Variants in MCF2L2 observed in about 807,000 individuals in gnomAD.
The protein encoded by MCF2L2 is MCF.2 cell line derived transforming sequence-like 2, also known as probable guanine nucleotide exchange factor MCF2L2.
A neutral mutation model predicts 150.2 loss-of-function variants in MCF2L2; 102 were observed. The observed-to-expected ratio is 0.68, with a 90% CI of 0.58 to 0.80. The LOEUF is 0.80. Ranked by LOEUF, MCF2L2 falls within the 30% of genes least tolerant of loss-of-function variation. MCF2L2 has a pLI of 0.00. For synonymous variants in MCF2L2, 465 were observed against 491.3 expected, an observed-to-expected ratio of 0.95 and a Z score of 0.71; for missense variants, 1,256 against 1,372.8, an observed-to-expected ratio of 0.91 and a Z score of 1.34.
At chr3:183,204,775 G>A (rs931084820) in intron 25 of MCF2L2, among the ~76,000 whole-genome samples, 1 of 152,088 alleles carries the variant, frequency 6.6e-6, no homozygotes, top group African/African-American at 2.4e-5. Flanking sequence ...ACTAATGAAT[G>A]GATAAACAAA....
chr3:183,207,665 T>A lies in MCF2L2; in HGVS notation c.2655A>T (p.Arg885=), dbSNP rs758598110. ...ATAATCCCTGGTCCCCAGGCTCCAT[T>A]CGTATCTTACAGAACACTATTCCCC... ...FERGIVFCKI[R]MEPGDQGLSP... is the part of the protein sequence containing the mutation. Residue 885 remains arginine (R), a synonymous_variant, in exon 23 of 30, where the codon CGA becomes CGT. Coordinates refer to ENST00000328913, the MANE Select transcript of MCF2L2 (RefSeq NM_015078.4). The A allele has an allele frequency of 1.2e-6, 2 of 1,614,252 alleles. No individual in the cohort carries two copies. Among genetic ancestry groups the A allele is most frequent in the South Asian group, 2.2e-5 (2 of 91,084 alleles).
At chr3:183,307,558 G>A (rs559968508) in intron 10 of MCF2L2, among the ~76,000 whole-genome samples, 14 of 152,314 alleles carry the variant, frequency 9.2e-5, no homozygotes, top group Admixed American at 3.9e-4. Flanking sequence ...TGTTGCCCAC[G>A]AAAGGTGGGT....
rs769015913 is a variant in MCF2L2 at position 183,309,667 on chromosome 3, T to C, written c.1113+49A>G. On this transcript the variant is annotated intron_variant, in intron 10 of 29. Coordinates refer to ENST00000328913, the MANE Select transcript of MCF2L2 (RefSeq NM_015078.4). ...GCAATGACTGGACATGATCCATCAT[T>C]GTCCACAGCAACCTCCCTCCCAGTA... 15 of 1,613,216 alleles carry C rather than the reference T, an allele frequency of 9.3e-6. No homozygotes were observed. In the Middle Eastern group the frequency reaches 4.9e-4, roughly 53 times the overall value.
chr3:183,309,849 T>C lies in MCF2L2; in HGVS notation c.994-14A>G, dbSNP rs1409389931. 6.2e-6 allele frequency: 10 copies of C among 1,613,036 alleles called. No homozygotes were observed. The highest frequency in any genetic ancestry group is 1.1e-5 in the South Asian group (1 of 91,082). On this transcript the variant is annotated splice_polypyrimidine_tract_variant and intron_variant, in intron 9 of 29. Transcript: ENST00000328913. ...GGCAAGCTTAGCCTACAAGAAACATTAGAACAGTCCAGAAGTAAACCAACA... is the reference window on the plus strand; with the variant it reads ...GGCAAGCTTAGCCTACAAGAAACATCAGAACAGTCCAGAAGTAAACCAACA...
intron 15 of MCF2L2, among the ~76,000 whole-genome samples, chr3:183,242,879 A>G (rs1240495553): frequency 6.6e-6 from 1 of 152,254 alleles, no homozygotes; most frequent in African/African-American, 2.4e-5. Flanking sequence ...CTGCAAAGCC[A>G]CAGGGGCAGA....
chr3:183,330,674 G>A (rs1730236386), intron 5 of MCF2L2, among the ~76,000 whole-genome samples: 1 of 152,036 alleles, frequency 6.6e-6, no homozygotes, highest in Non-Finnish European at 1.5e-5. Context: ...ACAAATGAGA[G>A]GCAGTTTCCC....
intron 3 of MCF2L2, among the ~76,000 whole-genome samples, chr3:183,355,613 ATTTT>A (rs71185653): frequency 2.4e-5 from 2 of 84,436 alleles, no homozygotes; most frequent in South Asian, 3.5e-4. Flanking sequence ...CGCCCAGCTA[ATTTT>A]TTTTTTTTTT....
At chr3:183,409,551 C>CTTTTTTTT in intron 1 of MCF2L2, among the ~76,000 whole-genome samples, 1 of 121,754 alleles carries the variant, frequency 8.2e-6, no homozygotes, top group Non-Finnish European at 1.7e-5. Context: ...GCTAAAATTT[C>CTTTTTTTT]TTTTTTTTTT....
intron 1 of MCF2L2, among the ~76,000 whole-genome samples, chr3:183,392,507 T>C (rs1000932625): frequency 6.6e-6 from 1 of 152,290 alleles, no homozygotes; most frequent in East Asian, 1.9e-4. Context: ...CTAAAATTCA[T>C]AATTTGTTTT....
chr3:183,389,309 C>T (rs140739638), intron 2 of MCF2L2, among the ~76,000 whole-genome samples: 16 of 152,290 alleles, frequency 1.1e-4, no homozygotes, highest in Non-Finnish European at 1.9e-4. Context: ...ACCTCAGCAA[C>T]GCTCGGGAAC....
At chr3:183,376,983 G>C (rs1713223555) in intron 3 of MCF2L2, 2 of 152,152 alleles carry the variant, frequency 1.3e-5, no homozygotes, top group Non-Finnish European at 2.9e-5. Context: ...TGTACCTGCT[G>C]TTTTTCAAGT....
rs534463355 is a variant in MCF2L2, at chr3:183,181,408, C to T, written c.3017-1249G>A. On this transcript the variant is annotated intron_variant, in intron 27 of 29. Transcript: ENST00000328913. The surrounding 1 kb of genome is among the most constrained non-coding windows in gnomAD (Gnocchi z 4.3). ...AGGCTCCGAGGGGGCTGGACACCCT[C>T]CTCTCAGGTTGAAGCAAGTCCTGGT... Among the ~76,000 whole-genome samples the T allele has an allele frequency of 6.6e-6, 1 of 152,170 alleles. No homozygotes were observed. Among genetic ancestry groups the T allele is most frequent in the African/African-American group, 2.4e-5 (1 of 41,536 alleles).
At chr3:183,339,167 A>G (rs1483260790) in intron 4 of MCF2L2, among the ~76,000 whole-genome samples, 1 of 152,218 alleles carries the variant, frequency 6.6e-6, no homozygotes. Flanking sequence ...TATAAAAATA[A>G]TTCATATTAT....
chr3:183,361,755 G>T (rs1712222146), intron 3 of MCF2L2, among the ~76,000 whole-genome samples: 1 of 152,198 alleles, frequency 6.6e-6, no homozygotes, highest in African/African-American at 2.4e-5. Flanking sequence ...ATAATGGCAT[G>T]TCTTATTATT....
chr3:183,181,608 C>CA lies in MCF2L2; in HGVS notation c.3017-1450dup, dbSNP rs1721525178. On this transcript the variant is annotated intron_variant, in intron 27 of 29. Coordinates refer to ENST00000328913, the MANE Select transcript of MCF2L2 (RefSeq NM_015078.4). This position sits in a 1 kb window ranked among gnomAD's most constrained non-coding sequence, Gnocchi z 4.3. ...CCCTGGGGTCCCCTTATGCCAGGAG[C>CA]AAGCAGTGAGAATGGAAGAATGATT... Among the ~76,000 whole-genome samples, 1 of 152,162 alleles carries CA rather than the reference C, an allele frequency of 6.6e-6. No individual in the cohort carries two copies. The highest frequency in any genetic ancestry group is 2.1e-4 in the South Asian group (1 of 4,822).
intron 3 of MCF2L2, among the ~76,000 whole-genome samples, chr3:183,345,595 C>G (rs931028232): frequency 6.6e-6 from 1 of 152,010 alleles, no homozygotes; most frequent in Admixed American, 6.6e-5. Flanking sequence ...GAGATAGAGA[C>G]CTGAAGAACC....
chr3:183,310,009 G>A (rs888174130), intron 9 of MCF2L2, among the ~76,000 whole-genome samples, 174 bp from the exon 10 acceptor site: 1 of 151,874 alleles, frequency 6.6e-6, no homozygotes, highest in African/African-American at 2.4e-5. Context: ...ATTAAGCTGG[G>A]GGTGCAGAAT....
chr3:183,195,194 C>T (rs1451783658), intron 26 of MCF2L2, 28 bp downstream of exon 26: 1 of 1,565,120 alleles, frequency 6.4e-7, no homozygotes, highest in East Asian at 2.3e-5. Flanking sequence ...ATTTGACATG[C>T]CTTTAAAATA....
chr3:183,191,999 C>T (rs998569590), intron 27 of MCF2L2, among the ~76,000 whole-genome samples: 5 of 150,456 alleles, frequency 3.3e-5, no homozygotes, highest in Non-Finnish European at 7.4e-5. Context: ...CACCACCAAG[C>T]GCAGCTAATT....
Sources: allele counts gnomAD v4.1 joint callset (sites outside exome capture counted in the v4.1 genomes callset), GRCh38; gene constraint gnomAD v4.1.1; non-coding constraint Gnocchi (gnomAD v3.1); transcripts MANE v1.5; gene names NCBI Gene and HGNC (gene_info 2026-07-23, HGNC 2026-07-21).